CELSR1: variants seen among roughly 807,000 people sequenced by gnomAD.
CELSR1 encodes the protein adhesion G protein-coupled receptor C1.
Under a neutral mutation model 249.1 loss-of-function variants are expected in CELSR1, and 110 were observed. The observed-to-expected ratio is 0.44, with a 90% CI of 0.38 to 0.52. The LOEUF (loss-of-function observed/expected upper bound fraction) is 0.52, where lower values mean the gene tolerates loss of function less well. Ranked by LOEUF, CELSR1 falls within the 20% of genes least tolerant of loss-of-function variation. The pLI is 0.00. For synonymous variants in CELSR1, 2,113 were observed against 1,900.0 expected (o/e 1.11, Z -2.92); for missense variants, 4,109 against 4,296.4 (o/e 0.96, Z 1.22).
rs1368161830 is a variant in CELSR1, at chr22:46,433,490, TGGGA to T, written c.4523-13_4523-10del. ...GGTCGTTGTTGTCTCGCCTGCATGGTGGGAGGGAGACCCAGAGAGAAAACAGGGG... is the reference window on the plus strand; with the variant it reads ...GGTCGTTGTTGTCTCGCCTGCATGGTGGGAGACCCAGAGAGAAAACAGGGG... On this transcript the variant is annotated splice_polypyrimidine_tract_variant and intron_variant, in intron 4 of 34. Coordinates refer to ENST00000674500, the MANE Select transcript of CELSR1 (RefSeq NM_001378328.1). This position sits in a 1 kb window ranked among gnomAD's most constrained non-coding sequence, Gnocchi z 5.7. 1 of 1,610,014 alleles carries T rather than the reference TGGGA, an allele frequency of 6.2e-7. No homozygotes were observed. The highest frequency in any genetic ancestry group is 1.7e-5 in the Admixed American group (1 of 59,830).
intron 5 of CELSR1, among the ~76,000 whole-genome samples, chr22:46,420,123 C>A (rs1026105208): frequency 8.6e-5 from 13 of 151,896 alleles, no homozygotes; most frequent in Admixed American, 2.0e-4. Context: ...TCCACATTCA[C>A]ACTCACATAT....
At chr22:46,449,063 C>A (rs1234662897) in intron 2 of CELSR1, among the ~76,000 whole-genome samples, 2 of 151,674 alleles carry the variant, frequency 1.3e-5, no homozygotes, top group Admixed American at 1.3e-4. Flanking sequence ...CCCCTCCACC[C>A]TTCCATCCAT....
chr22:46,442,214 A>C (rs879267753), intron 2 of CELSR1, among the ~76,000 whole-genome samples: 1 of 152,130 alleles, frequency 6.6e-6, no homozygotes, highest in Non-Finnish European at 1.5e-5. Flanking sequence ...TATACCCCCC[A>C]CCCTTCCCCT....
intron 9 of CELSR1, among the ~76,000 whole-genome samples, chr22:46,403,095 T>C (rs1323895204): frequency 1.3e-5 from 2 of 152,110 alleles, no homozygotes; most frequent in Admixed American, 1.3e-4. Flanking sequence ...GCTGGGAAGA[T>C]AAATCAGCTC....
At position 46,406,643 on chromosome 22, in the gene CELSR1, A is replaced by T. The variant is rs2079269306; in HGVS notation, c.5226+2353T>A. On this transcript the variant is annotated intron_variant, in intron 9 of 34. Transcript: ENST00000674500. The surrounding 1 kb of genome is among the most constrained non-coding windows in gnomAD (Gnocchi z 5.4). ...CCTCATGCCAATCTTGGCTATACAG[A>T]ACTGTTTCTAGATGGGCTGTCCTTA... Among the ~76,000 whole-genome samples, 1 of 152,146 alleles carries T rather than the reference A, an allele frequency of 6.6e-6. No homozygotes were observed. The highest frequency in any genetic ancestry group is 1.5e-5 in the Non-Finnish European group (1 of 68,022).
At position 46,454,994 on chromosome 22, in the gene CELSR1, G is replaced by A. The variant is rs562853324; in HGVS notation, c.4183+8713C>T. 5.3e-5 allele frequency among the ~76,000 whole-genome samples: 8 copies of A among 152,158 alleles called. No homozygotes were observed. Among genetic ancestry groups the A allele is most frequent in the East Asian group, 1.9e-4 (1 of 5,190 alleles). On this transcript the variant is annotated intron_variant, in intron 2 of 34. Coordinates refer to ENST00000674500, the MANE Select transcript of CELSR1 (RefSeq NM_001378328.1). The surrounding 1 kb of genome is among the most constrained non-coding windows in gnomAD (Gnocchi z 5.1). ...TAGGGTGGGTCCTAATCCAGTGACC[G>A]GTGTCCTTACAATGAGATGGAAACC... is the stretch of plus-strand genomic sequence containing the variant.
In CELSR1 at chr22:46,517,511, G is replaced by A. The variant is rs1602233676; in HGVS notation, c.3544+16116C>T. Among the ~76,000 whole-genome samples the A allele has an allele frequency of 6.6e-6, 1 of 152,218 alleles. No homozygotes were observed. Reference sequence around the variant, plus strand: ...AATGGCTGATGTGCACTGTCCCGGCGCCCCAGGCCGGCTCTTGTCTTGGTA... The same window carrying A: ...AATGGCTGATGTGCACTGTCCCGGCACCCCAGGCCGGCTCTTGTCTTGGTA... On this transcript the variant is annotated intron_variant, in intron 1 of 34. Transcript: ENST00000674500. The surrounding 1 kb of genome is among the most constrained non-coding windows in gnomAD (Gnocchi z 5.4).
intron 9 of CELSR1, among the ~76,000 whole-genome samples, chr22:46,403,663 CA>C (rs2079231958): frequency 6.6e-6 from 1 of 152,208 alleles, no homozygotes; most frequent in African/African-American, 2.4e-5. Flanking sequence ...GCAGAGCACA[CA>C]GGGGCATGTG....
At chr22:46,467,543 C>T (rs2080110126) in intron 1 of CELSR1, among the ~76,000 whole-genome samples, 1 of 151,820 alleles carries the variant, frequency 6.6e-6, no homozygotes, top group South Asian at 2.1e-4. Flanking sequence ...CTGGAAGGAG[C>T]CGGGCGTGGT....
intron 2 of CELSR1, among the ~76,000 whole-genome samples, chr22:46,460,447 G>C (rs4823814): frequency 0.12 from 17,499 of 152,160 alleles, 1,331 homozygotes; most frequent in Non-Finnish European, 0.15. Flanking sequence ...AGATGGATGG[G>C]GAGGAGACAC....
chr22:46,438,710 C>G (rs1439780870), intron 3 of CELSR1, among the ~76,000 whole-genome samples: 1 of 152,086 alleles, frequency 6.6e-6, no homozygotes, highest in Admixed American at 6.6e-5. Flanking sequence ...AGGGAAGGGG[C>G]TGAAGAGAAG....
intron 5 of CELSR1, among the ~76,000 whole-genome samples, chr22:46,420,547 A>C (rs930191055): frequency 1.3e-5 from 2 of 152,166 alleles, no homozygotes; most frequent in Middle Eastern, 3.2e-3. Context: ...GCACACACAG[A>C]TATACTAGCA....
At position 46,378,675 on chromosome 22, in the gene CELSR1, G is replaced by C; in HGVS notation, c.7299C>G (p.Leu2433=). The C allele has an allele frequency of 6.2e-7, 1 of 1,611,876 alleles. No homozygotes were observed. Among genetic ancestry groups the C allele is most frequent in the Non-Finnish European group, 8.5e-7 (1 of 1,179,666 alleles). Residue 2433 remains leucine, a synonymous_variant, in exon 23 of 35, where the codon CTC becomes CTG. Coordinates refer to ENST00000674500, the MANE Select transcript of CELSR1 (RefSeq NM_001378328.1). ...TGGWSARGCE[L]LSRNRTHVAC... is the part of the protein sequence containing the mutation. ...CGACATGTGTCCGGTTCCTGGACAG[G>C]AGCTCGCAGCCCCGGGCAGACCACC... is the stretch of plus-strand genomic sequence containing the variant.
In CELSR1 at chr22:46,402,746, T is replaced by G. The variant is rs1180290414; in HGVS notation, c.5227-2844A>C. The stretch of plus-strand genomic sequence containing the variant: ...AGACAATTAGACTTACTTCTGGGTG[T>G]AGGTGTTACAGAGATAAGGGTCAAA... On this transcript the variant is annotated intron_variant, in intron 9 of 34. Transcript: ENST00000674500. This position sits in a 1 kb window ranked among gnomAD's most constrained non-coding sequence, Gnocchi z 5.0. Among the ~76,000 whole-genome samples, 1 of 152,168 alleles carries G rather than the reference T, an allele frequency of 6.6e-6. No individual in the cohort carries two copies. The highest frequency in any genetic ancestry group is 1.5e-5 in the Non-Finnish European group (1 of 68,036).
intron 1 of CELSR1, among the ~76,000 whole-genome samples, chr22:46,524,032 C>T (rs77997942): frequency 0.018 from 2,708 of 152,338 alleles, 90 homozygotes; most frequent in African/African-American, 0.061. Flanking sequence ...ACTGAGCTTC[C>T]GTCCTCAGAA....
rs990419062 is a variant in CELSR1, at chr22:46,484,317, A to ACCAGC, written c.3545-19977_3545-19973dup. Among the ~76,000 whole-genome samples the ACCAGC allele has an allele frequency of 3.5e-4, 53 of 152,112 alleles. No individual in the cohort carries two copies. Among genetic ancestry groups the ACCAGC allele is most frequent in the Middle Eastern group, 3.4e-3 (1 of 294 alleles). ...TGCAGGGGACAGAGTCCCTCCTTCC[A>ACCAGC]CCAGCCCAGCCCAGCCCATGGTGGC... On this transcript the variant is annotated intron_variant, in intron 1 of 34. Coordinates refer to ENST00000674500, the MANE Select transcript of CELSR1 (RefSeq NM_001378328.1). The surrounding 1 kb of genome is among the most constrained non-coding windows in gnomAD (Gnocchi z 4.5).
In CELSR1 at chr22:46,384,565, G is replaced by A; in HGVS notation, c.6861C>T (p.Phe2287=). 2 of 1,612,048 alleles carry A rather than the reference G, an allele frequency of 1.2e-6. No homozygotes were observed. The highest frequency in any genetic ancestry group is 1.7e-6 in the Non-Finnish European group (2 of 1,179,156). ...TACCTTTTTCTTCAGGTGGTCTGAAGAAGTCGGCTGGGAAGGAGACGGAGG... is the reference window on the plus strand; with the variant it reads ...TACCTTTTTCTTCAGGTGGTCTGAAAAAGTCGGCTGGGAAGGAGACGGAGG... The part of the protein sequence containing the change: ...LESSVSFPAD[F]FRPPEEKEGP... Residue 2287 remains phenylalanine (F), a synonymous_variant, in exon 20 of 35, where the codon TTC becomes TTT. Transcript: ENST00000674500.
Position 46,534,181 on chromosome 22 carries a change from G to C in CELSR1, c.2990C>G (p.Pro997Arg). 1 of 1,613,850 alleles carries C rather than the reference G, an allele frequency of 6.2e-7. No homozygotes were observed. The change falls in exon 1 of 35, where the codon CCC (proline) becomes CGC (arginine). Residue 997 changes from proline to arginine, a missense_variant. Around this residue, in one of 7 missense-constraint regions of CELSR1, gnomAD observed 886 missense variants for 896.5 expected, o/e 0.99. Transcript: ENST00000674500. The surrounding 1 kb of genome is among the most constrained non-coding windows in gnomAD (Gnocchi z 9.7). ...VTILDINDNAPMFEKDELELF... is the reference protein window; with the variant it reads ...VTILDINDNARMFEKDELELF... Reference sequence around the variant, plus strand: ...CTCCAGTTCGTCCTTCTCAAACATGGGGGCATTGTCATTAATGTCCAAGAT... The same window carrying C: ...CTCCAGTTCGTCCTTCTCAAACATGCGGGCATTGTCATTAATGTCCAAGAT...
intron 1 of CELSR1, among the ~76,000 whole-genome samples, chr22:46,479,872 G>A (rs903455083): frequency 5.3e-5 from 8 of 152,096 alleles, no homozygotes; most frequent in African/African-American, 1.4e-4. Flanking sequence ...CACTCTCAGG[G>A]AGTCAGCTCA....
Sources: gnomAD v4.1 joint callset for allele counts (sites outside exome capture counted in the v4.1 genomes callset) on GRCh38, gnomAD v4.1.1 for gene constraint, gnomAD v4.1.1 regional missense constraint, Gnocchi (gnomAD v3.1) non-coding constraint, MANE v1.5 for transcripts, NCBI Gene and HGNC (gene_info 2026-07-23, HGNC 2026-07-21) for gene names.